NRIP1: variants seen among roughly 807,000 people sequenced by gnomAD.
NRIP1 encodes the protein nuclear receptor interacting protein 1, also known as nuclear receptor-interacting protein 1.
A neutral mutation model predicts 75.0 loss-of-function variants in NRIP1; 28 were observed. The observed-to-expected ratio is 0.37, with a 90% CI of 0.28 to 0.51. The LOEUF is 0.51. NRIP1 is among the 20% of genes least tolerant of loss of function. The pLI is 0.92. For synonymous variants in NRIP1, 526 were observed against 487.6 expected (o/e 1.08, Z -1.04); for missense variants, 1,435 against 1,343.7 (o/e 1.07, Z -1.06).
chr21:14,970,947 T>C (rs1219133961), intron 3 of NRIP1, among the ~76,000 whole-genome samples: 1 of 152,186 alleles, frequency 6.6e-6, no homozygotes, highest in African/African-American at 2.4e-5. Flanking sequence ...ACAGTTTCCT[T>C]GTAAAGGAGC....
At chr21:14,988,217 T>A (rs1420103481) in intron 3 of NRIP1, 4 of 152,266 alleles carry the variant, frequency 2.6e-5, no homozygotes, top group East Asian at 3.9e-4. Context: ...ATAATAGTAT[T>A]TACCTTATAA....
chr21:15,020,860 T>G, intron 2 of NRIP1, among the ~76,000 whole-genome samples: 1 of 150,320 alleles, frequency 6.7e-6, no homozygotes, highest in African/African-American at 2.5e-5. Context: ...CATTACACAC[T>G]CACTAGAATA....
chr21:15,057,684 A>G (rs1176193422), intron 1 of NRIP1, among the ~76,000 whole-genome samples: 1 of 152,230 alleles, frequency 6.6e-6, no homozygotes, highest in East Asian at 1.9e-4. Context: ...TCTTCAAACA[A>G]TGGCATATTC....
At chr21:15,033,212 G>A (rs536145578) in intron 2 of NRIP1, among the ~76,000 whole-genome samples, 9 of 133,004 alleles carry the variant, frequency 6.8e-5, no homozygotes, top group East Asian at 6.3e-4. Flanking sequence ...GCGACAGAGC[G>A]AGACTCTGTC....
At chr21:14,977,976 G>C (rs1176096911) in intron 3 of NRIP1, among the ~76,000 whole-genome samples, 1 of 152,210 alleles carries the variant, frequency 6.6e-6, no homozygotes, top group African/African-American at 2.4e-5. Context: ...GGACACCAGA[G>C]ACACCGGTGA....
chr21:14,989,120 T>C (rs146719838), intron 3 of NRIP1, among the ~76,000 whole-genome samples: 1 of 152,312 alleles, frequency 6.6e-6, no homozygotes, highest in East Asian at 1.9e-4. Context: ...ACACCACCCC[T>C]AAGATACTGC....
At chr21:14,982,707 T>TTG (rs2087276767) in intron 3 of NRIP1, among the ~76,000 whole-genome samples, 1 of 76,718 alleles carries the variant, frequency 1.3e-5, no homozygotes, top group Admixed American at 1.5e-4. Flanking sequence ...GGTTTTTTTT[T>TTG]GTTTTTTTTT....
At chr21:15,050,554 T>C in intron 1 of NRIP1, 1 of 362,092 alleles carries the variant, frequency 2.8e-6, no homozygotes, top group South Asian at 2.1e-5. Flanking sequence ...AAATGAACTA[T>C]ACTAATGGCA....
At chr21:15,057,668 G>GT (rs1436753604) in intron 1 of NRIP1, among the ~76,000 whole-genome samples, 1 of 152,162 alleles carries the variant, frequency 6.6e-6, no homozygotes, top group African/African-American at 2.4e-5. Context: ...ATGGCAACTG[G>GT]TTTTTTCTTC....
At chr21:15,035,194 T>C (rs2088803133) in intron 2 of NRIP1, among the ~76,000 whole-genome samples, 1 of 152,140 alleles carries the variant, frequency 6.6e-6, no homozygotes, top group African/African-American at 2.4e-5. Flanking sequence ...ACTCAAGAGG[T>C]AAAAGAGAAA....
At position 14,964,029 on chromosome 21, in the gene NRIP1, T is replaced by A. The variant is rs924352635; in HGVS notation, c.*687A>T. On this transcript the variant is annotated 3_prime_UTR_variant, in exon 4 of 4. Coordinates refer to ENST00000318948, the MANE Select transcript of NRIP1 (RefSeq NM_003489.4). ...AAAAAATGGAAATCTGCCTTTTTTT[T>A]AAAGGATCTATCAAACTTCCCTCAA... 2 of 152,562 alleles carry A rather than the reference T, an allele frequency of 1.3e-5. No individual in the cohort carries two copies. Among genetic ancestry groups the A allele is most frequent in the African/African-American group, 2.4e-5 (1 of 41,440 alleles). 9.5% of individuals were successfully genotyped at this position (152,562 alleles called of 1,614,324 possible). A position where few individuals can be genotyped will look rare whatever the true frequency, so the allele number is the denominator to read the frequency against.
At chr21:14,980,889 A>C (rs1287684641) in intron 3 of NRIP1, among the ~76,000 whole-genome samples, 1 of 152,254 alleles carries the variant, frequency 6.6e-6, no homozygotes, top group Non-Finnish European at 1.5e-5. Flanking sequence ...AATAAAGTAA[A>C]AAAGAAAAAT....
intron 2 of NRIP1, among the ~76,000 whole-genome samples, chr21:15,019,974 T>A (rs974919551): frequency 1.3e-5 from 2 of 152,038 alleles, no homozygotes; most frequent in Non-Finnish European, 2.9e-5. Flanking sequence ...AAAACACTGT[T>A]GAGGGAAATT....
chr21:14,984,800 G>A (rs182871745), intron 3 of NRIP1, among the ~76,000 whole-genome samples: 35 of 152,236 alleles, frequency 2.3e-4, no homozygotes, highest in South Asian at 1.0e-3. Context: ...CTGATTCTTC[G>A]GCAGCCATCA....
At chr21:15,062,283 T>A (rs1416175097) in intron 1 of NRIP1, among the ~76,000 whole-genome samples, 1 of 152,248 alleles carries the variant, frequency 6.6e-6, no homozygotes, top group African/African-American at 2.4e-5. Context: ...GATTTTACTC[T>A]TCATATCTCT....
chr21:14,987,941 A>G (rs2087451585), intron 3 of NRIP1: 1 of 152,204 alleles, frequency 6.6e-6, no homozygotes, highest in African/African-American at 2.4e-5. Context: ...ATCATATTCA[A>G]TTGCCACAGA....
At chr21:15,015,554 G>C (rs1309553056) in intron 2 of NRIP1, among the ~76,000 whole-genome samples, 2 of 151,950 alleles carry the variant, frequency 1.3e-5, no homozygotes, top group African/African-American at 4.8e-5. Context: ...TATTATATTT[G>C]TGCAGTACAT....
chr21:15,050,432 A>G (rs1180532701), intron 1 of NRIP1: 1 of 295,816 alleles, frequency 3.4e-6, no homozygotes, highest in Non-Finnish European at 6.6e-6. Flanking sequence ...GATTTCATAC[A>G]CATAATATTG....
At chr21:15,013,569 T>C (rs2088159941) in intron 3 of NRIP1, among the ~76,000 whole-genome samples, 1 of 152,202 alleles carries the variant, frequency 6.6e-6, no homozygotes, top group African/African-American at 2.4e-5. Flanking sequence ...CATTATGCCT[T>C]TACCTAGTTC....
Sources: allele counts gnomAD v4.1 joint callset (sites outside exome capture counted in the v4.1 genomes callset), GRCh38; gene constraint gnomAD v4.1.1; transcripts MANE v1.5; gene names NCBI Gene and HGNC (gene_info 2026-07-23, HGNC 2026-07-21).